Variants in RGS6 observed in about 807,000 individuals in gnomAD.
The protein encoded by RGS6 is regulator of G-protein signaling 6.
In RGS6, 30 loss-of-function variants were observed where a neutral mutation model predicts 78.5. The ratio of observed to expected loss-of-function variants is 0.38; its 90% confidence interval spans 0.29 to 0.52. The LOEUF (loss-of-function observed/expected upper bound fraction) is 0.52. Among genes scored for constraint, RGS6 ranks in the 20% least tolerant of loss-of-function variants. The pLI is 0.85. For synonymous variants in RGS6, 206 were observed against 206.0 expected (o/e 1.00, Z 0.00); for missense variants, 495 against 609.7 (o/e 0.81, Z 1.98).
intron 2 of RGS6, among the ~76,000 whole-genome samples, chr14:72,269,584 T>C (rs1167972985): frequency 1.4e-5 from 2 of 146,554 alleles, no homozygotes; most frequent in Admixed American, 6.8e-5. Context: ...TTTTTTTTTT[T>C]TTTTTTTTTT....
chr14:72,445,364 A>G (rs1242788351), intron 3 of RGS6, among the ~76,000 whole-genome samples: 1 of 151,992 alleles, frequency 6.6e-6, no homozygotes, highest in Non-Finnish European at 1.5e-5. Context: ...TAATTTTTGT[A>G]TTTTTAGTAA....
intron 2 of RGS6, among the ~76,000 whole-genome samples, chr14:72,058,913 A>G (rs1304090776): frequency 6.6e-6 from 1 of 151,856 alleles, no homozygotes; most frequent in African/African-American, 2.4e-5. Flanking sequence ...TTTTATTTTT[A>G]TTTTTTCTGA....
intron 1 of RGS6, among the ~76,000 whole-genome samples, chr14:71,940,420 A>C (rs1187660013): frequency 6.6e-6 from 1 of 152,174 alleles, no homozygotes; most frequent in Non-Finnish European, 1.5e-5. Context: ...CTCTGTTTTT[A>C]TAATTCAAAT....
At chr14:72,315,444 G>A (rs144586406) in intron 2 of RGS6, among the ~76,000 whole-genome samples, 3 of 152,314 alleles carry the variant, frequency 2.0e-5, no homozygotes, top group South Asian at 2.1e-4. Flanking sequence ...GTCAGTAGTC[G>A]AAACATTGAA....
At chr14:72,459,500 G>A (rs2095719017) in intron 5 of RGS6, 132 bp from the exon 6 acceptor site, 1 of 778,174 alleles carries the variant, frequency 1.3e-6, no homozygotes, top group Non-Finnish European at 2.1e-6. Flanking sequence ...GAGAAGAGGA[G>A]AGAATTGTGG....
intron 2 of RGS6, among the ~76,000 whole-genome samples, chr14:72,150,233 C>T (rs1028097163): frequency 4.6e-5 from 7 of 152,236 alleles, no homozygotes; most frequent in South Asian, 2.1e-4. Context: ...GATGCAGAAG[C>T]TGACCTTGGA....
chr14:72,112,027 C>T (rs931913271), intron 2 of RGS6, among the ~76,000 whole-genome samples: 1 of 152,194 alleles, frequency 6.6e-6, no homozygotes, highest in Non-Finnish European at 1.5e-5. Flanking sequence ...CCTTGAGAAG[C>T]CAGAATCCAT....
chr14:72,282,750 CTTG>C (rs980501647), intron 2 of RGS6, among the ~76,000 whole-genome samples: 18 of 152,272 alleles, frequency 1.2e-4, no homozygotes, highest in African/African-American at 3.9e-4. Context: ...CTTGTGCCCC[CTTG>C]TTGTTTTTGT....
rs773148053 is a variant in RGS6 at position 72,476,846 on chromosome 14, T to C, written c.792+6T>C. On this transcript the variant is annotated splice_donor_region_variant and intron_variant, in intron 11 of 17. Transcript: ENST00000553525. ...AAGAGGACATCCGGAAACAGGTGAATGAATTGACAGCTTGCACTCTCAGGA... is the reference window on the plus strand; with the variant it reads ...AAGAGGACATCCGGAAACAGGTGAACGAATTGACAGCTTGCACTCTCAGGA... 103 of 1,611,876 alleles carry C rather than the reference T, an allele frequency of 6.4e-5. No homozygotes were observed. The highest frequency in any genetic ancestry group is 8.2e-5 in the Non-Finnish European group (97 of 1,178,052).
chr14:71,935,703 A>G (rs987676700), intron 1 of RGS6, among the ~76,000 whole-genome samples: 17 of 152,266 alleles, frequency 1.1e-4, no homozygotes, highest in African/African-American at 4.1e-4. Flanking sequence ...TTCTGGTTGC[A>G]GTTACTCCAA....
the RGS6 span, among the ~76,000 whole-genome samples, chr14:71,927,310 C>A: frequency 6.6e-6 from 1 of 152,184 alleles, no homozygotes; most frequent in Admixed American, 6.5e-5. Flanking sequence ...AACATTATTT[C>A]CAAGTCTTAA....
rs567498072 is a variant in RGS6 at position 72,397,151 on chromosome 14, C to T, written c.184+44957C>T. Among the ~76,000 whole-genome samples, 4 of 152,286 alleles carry T rather than the reference C, an allele frequency of 2.6e-5. No homozygotes were observed. In the East Asian group the frequency reaches 7.7e-4, roughly 29 times the overall value. On this transcript the variant is annotated intron_variant, in intron 3 of 17. Transcript: ENST00000553525. ...TTACCTTGGGCATAAATTACCTTGGCCATTTTCACGATATCGATTCTTCCT... is the reference window on the plus strand; with the variant it reads ...TTACCTTGGGCATAAATTACCTTGGTCATTTTCACGATATCGATTCTTCCT...
chr14:72,262,527 T>C (rs2058343255), intron 2 of RGS6, among the ~76,000 whole-genome samples: 1 of 152,214 alleles, frequency 6.6e-6, no homozygotes, highest in Non-Finnish European at 1.5e-5. Context: ...CTAAAGGGCC[T>C]ATCTCTACAT....
chr14:72,541,324 A>G, intron 17 of RGS6: 8 of 1,338,988 alleles, frequency 6.0e-6, no homozygotes, highest in Non-Finnish European at 8.0e-6. Context: ...AGCTAGATGC[A>G]TTTTAAGTGC....
At chr14:72,544,770 C>T (rs916971949) in intron 17 of RGS6, among the ~76,000 whole-genome samples, 1 of 152,218 alleles carries the variant, frequency 6.6e-6, no homozygotes, top group African/African-American at 2.4e-5. Flanking sequence ...TCCCCCTGTT[C>T]CTTCCCCTGC....
rs1404647087 is a variant in RGS6 at position 72,053,132 on chromosome 14, T to TTCCTTCCTTCCTTCCTTCCTTC, written c.84+88257_84+88258insTCCTTCCTTCCTTCCTTCCTTC. On this transcript the variant is annotated intron_variant, in intron 2 of 17. Transcript: ENST00000553525. ...TCCTTCCTTCCTTCCTTCCTTCCTT[T>TTCCTTCCTTCCTTCCTTCCTTC]CTTTTTTTGATGGAGTCTCGCTCTG... 8.6e-4 allele frequency among the ~76,000 whole-genome samples: 76 copies of TTCCTTCCTTCCTTCCTTCCTTC among 88,372 alleles called. No individual in the cohort carries two copies. In the Middle Eastern group the frequency reaches 0.016, roughly 18 times the overall value. The allele number at this position is 88,372 out of a possible 152,430, so 58.0% of individuals were successfully genotyped here.
At chr14:72,551,925 ATAAG>A (rs1390891365) in intron 17 of RGS6, among the ~76,000 whole-genome samples, 1 of 152,258 alleles carries the variant, frequency 6.6e-6, no homozygotes, top group Non-Finnish European at 1.5e-5. Flanking sequence ...ATAAGAGTAA[ATAAG>A]TAGGAATAAA....
chr14:72,602,716 A>G, the RGS6 span, among the ~76,000 whole-genome samples: 1 of 152,254 alleles, frequency 6.6e-6, no homozygotes, highest in Non-Finnish European at 1.5e-5. Context: ...CAAGGGCAAT[A>G]ATTTTGGCCT....
chr14:71,955,517 T>C (rs1595174573), intron 1 of RGS6, among the ~76,000 whole-genome samples: 1 of 152,206 alleles, frequency 6.6e-6, no homozygotes, highest in Non-Finnish European at 1.5e-5. Context: ...CCCATTTTTA[T>C]GGCTATTTCT....
Sources: allele counts gnomAD v4.1 joint callset (sites outside exome capture counted in the v4.1 genomes callset), GRCh38; gene constraint gnomAD v4.1.1; transcripts MANE v1.5; gene names NCBI Gene and HGNC (gene_info 2026-07-23, HGNC 2026-07-21).